The following TANC2 variants were observed in gnomAD, a reference collection of about 807,000 sequenced individuals.
TANC2 encodes tetratricopeptide repeat, ankyrin repeat and coiled-coil containing 2, also known as protein TANC2.
TANC2 carries 26 observed loss-of-function variants against 210.5 expected under a neutral mutation model. The ratio of observed to expected loss-of-function variants is 0.12; its 90% CI spans 0.09 to 0.17. TANC2 has a LOEUF of 0.17. Ranked by LOEUF, TANC2 falls within the 10% of genes least tolerant of loss-of-function variation. TANC2 has a pLI of 1.00. For synonymous variants in TANC2, 931 were observed against 967.1 expected (o/e 0.96, Z 0.69); for missense variants, 2,129 against 2,608.9 (o/e 0.82, Z 4.01).
intron 2 of TANC2, among the ~76,000 whole-genome samples, chr17:63,039,025 G>T (rs537595977): frequency 6.6e-6 from 1 of 152,162 alleles, no homozygotes; most frequent in Non-Finnish European, 1.5e-5. Flanking sequence ...GATTCACTTT[G>T]CCTTTTATCA....
intron 14 of TANC2, among the ~76,000 whole-genome samples, chr17:63,373,881 T>C (rs1322472076): frequency 6.6e-6 from 1 of 152,080 alleles, no homozygotes; most frequent in East Asian, 1.9e-4. Context: ...CTTGGGAGGC[T>C]GAGGCAGGAG....
chr17:63,139,094 G>C (rs758162088), intron 4 of TANC2, among the ~76,000 whole-genome samples: 2 of 152,192 alleles, frequency 1.3e-5, no homozygotes, highest in Non-Finnish European at 2.9e-5. Flanking sequence ...CAAATGACTA[G>C]ATTGCTCAAA....
At chr17:63,105,220 T>A (rs2144966492) in intron 4 of TANC2, among the ~76,000 whole-genome samples, 1 of 151,816 alleles carries the variant, frequency 6.6e-6, no homozygotes, top group Middle Eastern at 3.4e-3. Context: ...ATGGCCTGAT[T>A]TTCAAAGTAT....
At chr17:63,053,940 T>C (rs1341116109) in intron 2 of TANC2, among the ~76,000 whole-genome samples, 1 of 152,190 alleles carries the variant, frequency 6.6e-6, no homozygotes, top group Non-Finnish European at 1.5e-5. Flanking sequence ...TCATTCTTAT[T>C]CTGAATTTTT....
chr17:63,051,555 C>T (rs2144391610), intron 2 of TANC2, among the ~76,000 whole-genome samples: 1 of 152,224 alleles, frequency 6.6e-6, no homozygotes, highest in South Asian at 2.1e-4. Context: ...ATCCAGGAAT[C>T]CATGGATCAG....
intron 7 of TANC2, among the ~76,000 whole-genome samples, chr17:63,208,012 A>G (rs1025928437): frequency 8.5e-5 from 13 of 152,200 alleles, no homozygotes; most frequent in South Asian, 2.1e-4. Context: ...TTATTAGCCA[A>G]TTAGGTTTCC....
At chr17:63,036,676 A>T (rs960594878) in intron 2 of TANC2, among the ~76,000 whole-genome samples, 2 of 152,122 alleles carry the variant, frequency 1.3e-5, no homozygotes, top group African/African-American at 4.8e-5. Context: ...AATTACATTA[A>T]ATCTATAGAT....
At position 63,365,446 on chromosome 17, in the gene TANC2, CCTT is replaced by C. The variant is rs1177589785; in HGVS notation, c.2582+10060_2582+10062del. Among the ~76,000 whole-genome samples the C allele has an allele frequency of 2.0e-5, 3 of 152,274 alleles. No individual in the cohort carries two copies. In the East Asian group the frequency reaches 5.8e-4, roughly 29 times the overall value. The stretch of plus-strand genomic sequence containing the variant: ...TGGATTACTTTCACCTCTTGGTCTC[CCTT>C]CTTGCCCTCTTCGAGTCCATTCTCC... On this transcript the variant is annotated intron_variant, in intron 14 of 27. Transcript: ENST00000689528.
chr17:63,075,688 T>C (rs1283512924), intron 3 of TANC2, among the ~76,000 whole-genome samples: 1 of 152,046 alleles, frequency 6.6e-6, no homozygotes, highest in Non-Finnish European at 1.5e-5. Context: ...CCGGCTTTTT[T>C]TGTATTTTTA....
chr17:63,248,772 T>G (rs1178882947), intron 8 of TANC2, among the ~76,000 whole-genome samples: 1 of 152,154 alleles, frequency 6.6e-6, no homozygotes, highest in Non-Finnish European at 1.5e-5. Context: ...AATGCCAAGA[T>G]TCTTGATTTT....
chr17:63,345,544 G>A lies in TANC2; in HGVS notation c.1807+5212G>A, dbSNP rs142325972. Among the ~76,000 whole-genome samples the A allele has an allele frequency of 4.2e-3, 643 of 151,422 alleles. 6 individuals are homozygous for A. The highest frequency in any genetic ancestry group is 0.013 in the African/African-American group (550 of 41,174). ...TGAGGCAGGAGAATCACTTGAACCC[G>A]GGAGGTGGAGGTTGCAGTGAGCTGA... On this transcript the variant is annotated intron_variant, in intron 12 of 27. Coordinates refer to ENST00000689528, the Ensembl canonical transcript of TANC2.
intron 8 of TANC2, among the ~76,000 whole-genome samples, chr17:63,255,249 C>T (rs762812849): frequency 1.3e-4 from 20 of 151,952 alleles, no homozygotes; most frequent in Non-Finnish European, 2.7e-4. Context: ...GGACTACAGG[C>T]GCCCGGCTAA....
chr17:63,063,028 G>GA, intron 2 of TANC2, among the ~76,000 whole-genome samples: 1 of 152,214 alleles, frequency 6.6e-6, no homozygotes, highest in East Asian at 1.9e-4. Flanking sequence ...TTCTGACAAG[G>GA]AAAAAAATTG....
intron 1 of TANC2, among the ~76,000 whole-genome samples, chr17:63,003,264 A>C (rs1409226735): frequency 1.3e-5 from 2 of 152,158 alleles, no homozygotes; most frequent in Non-Finnish European, 2.9e-5. Flanking sequence ...CTACTTTTTG[A>C]AACTACCTGT....
At chr17:63,099,296 C>T (rs892966259) in exon 4 of TANC2, 6 of 1,572,056 alleles carry the variant, frequency 3.8e-6, no homozygotes, top group East Asian at 4.7e-5. Flanking sequence ...CTCTTCCATC[C>T]TCCCCCTTAC....
intron 9 of TANC2, among the ~76,000 whole-genome samples, chr17:63,279,855 A>G (rs1193038558): frequency 6.6e-6 from 1 of 152,078 alleles, no homozygotes; most frequent in Non-Finnish European, 1.5e-5. Flanking sequence ...AATTCTAGAA[A>G]GGTCTTAGAT....
chr17:63,212,964 G>T (rs1480742546), intron 7 of TANC2, among the ~76,000 whole-genome samples: 1 of 152,114 alleles, frequency 6.6e-6, no homozygotes, highest in African/African-American at 2.4e-5. Flanking sequence ...ACATATATCT[G>T]CTAACACTTA....
chr17:63,255,632 T>G (rs1178694481), intron 8 of TANC2, among the ~76,000 whole-genome samples: 1 of 152,132 alleles, frequency 6.6e-6, no homozygotes. Context: ...AATGATCCTT[T>G]GAATTTCTGT....
intron 1 of TANC2, among the ~76,000 whole-genome samples, chr17:63,005,729 T>A (rs868426229): frequency 1.3e-5 from 2 of 152,146 alleles, no homozygotes; most frequent in Non-Finnish European, 2.9e-5. Context: ...TCTCTTTTCT[T>A]ATAATATCTG....
Sources: allele counts gnomAD v4.1 joint callset (sites outside exome capture counted in the v4.1 genomes callset), GRCh38; gene constraint gnomAD v4.1.1; transcripts MANE v1.5; gene names NCBI Gene and HGNC (gene_info 2026-07-23, HGNC 2026-07-21).